SYNE2: variants seen among roughly 807,000 people sequenced by gnomAD.
The protein encoded by SYNE2 is spectrin repeat containing nuclear envelope protein 2, also known as nesprin-2.
Under a neutral mutation model 856.3 loss-of-function variants are expected in SYNE2, and 431 were observed. The observed-to-expected ratio is 0.50, with a 90% CI of 0.47 to 0.55. The LOEUF (loss-of-function observed/expected upper bound fraction) is 0.55. Ranked by LOEUF, SYNE2 falls within the 20% of genes least tolerant of loss-of-function variation. The pLI is 0.00. For missense variants in SYNE2, 8,129 were observed against 8,023.2 expected (o/e 1.01, Z -0.50); for synonymous variants, 2,923 against 2,872.3 (o/e 1.02, Z -0.56).
At chr14:64,131,929 T>C (rs2098026030) in intron 76 of SYNE2, among the ~76,000 whole-genome samples, 1 of 152,186 alleles carries the variant, frequency 6.6e-6, no homozygotes, top group Non-Finnish European at 1.5e-5. Flanking sequence ...AGTTTTTTTG[T>C]TTTTTGTTTT....
chr14:63,819,541 CT>C (rs576041925), intron 1 of SYNE2, among the ~76,000 whole-genome samples: 2,325 of 134,376 alleles, frequency 0.017, 15 homozygotes, highest in Middle Eastern at 0.028. Context: ...AATTTTATTT[CT>C]TTTTTTTTTT....
chr14:64,022,831 A>G lies in SYNE2; in HGVS notation c.5605A>G (p.Lys1869Glu). 6.2e-7 allele frequency: 1 copy of G among 1,609,166 alleles called. No homozygotes were observed. Among genetic ancestry groups the G allele is most frequent in the Non-Finnish European group, 8.5e-7 (1 of 1,175,948 alleles). ...GTGTTTTGAATCATCAGAAACAAAA[A>G]AGAGTGTGGAACAAAAGCTACAAAA... ...KECFESSETK[K>E]SVEQKLQKLS... Residue 1869 changes from lysine (K) to glutamate (E), a missense_variant, in exon 38 of 116, where the codon AAG (lysine) becomes GAG (glutamate). Coordinates refer to ENST00000555002, the MANE Select transcript of SYNE2 (RefSeq NM_182914.3).
chr14:63,883,747 G>A (rs949314247), intron 1 of SYNE2, among the ~76,000 whole-genome samples: 6 of 152,176 alleles, frequency 3.9e-5, no homozygotes, highest in African/African-American at 1.4e-4. Context: ...CTCCTCTACA[G>A]GGCTATTTTG....
intron 6 of SYNE2, among the ~76,000 whole-genome samples, chr14:63,944,517 C>CTTTTCTTTTTTTTTT (rs1318095715): frequency 1.1e-5 from 1 of 90,146 alleles, no homozygotes; most frequent in East Asian, 3.2e-4. Flanking sequence ...TAAAGCCTTT[C>CTTTTCTTTTTTTTTT]TTTTTTTTTT....
chr14:63,900,787 A>C (rs1055873571), intron 1 of SYNE2, among the ~76,000 whole-genome samples: 5 of 152,202 alleles, frequency 3.3e-5, no homozygotes, highest in Admixed American at 3.3e-4. Flanking sequence ...AATAAGGGGA[A>C]AAGTTAATGG....
chr14:63,763,266 C>A (rs1247588304), intron 1 of SYNE2, among the ~76,000 whole-genome samples: 1 of 152,160 alleles, frequency 6.6e-6, no homozygotes, highest in Middle Eastern at 3.2e-3. Flanking sequence ...CCACGCCTGG[C>A]CAACAAAAAA....
intron 45 of SYNE2, among the ~76,000 whole-genome samples, chr14:64,046,764 C>T (rs756074139): frequency 6.6e-6 from 1 of 152,212 alleles, no homozygotes; most frequent in Non-Finnish European, 1.5e-5. Context: ...GGAGGGAGCA[C>T]ATGAGCAAGT....
intron 1 of SYNE2, among the ~76,000 whole-genome samples, chr14:63,895,048 G>A (rs1314727579): frequency 1.3e-5 from 2 of 152,018 alleles, no homozygotes; most frequent in African/African-American, 4.8e-5. Context: ...AAGTGATATG[G>A]CATTGAGAAA....
chr14:63,943,804 G>A (rs972649498), intron 6 of SYNE2, among the ~76,000 whole-genome samples: 5 of 151,760 alleles, frequency 3.3e-5, no homozygotes, highest in Non-Finnish European at 5.9e-5. Flanking sequence ...CTGAGTAGCT[G>A]GGATTACAGG....
At chr14:64,138,909 T>TG (rs1185404410) in intron 79 of SYNE2, among the ~76,000 whole-genome samples, 4 of 133,938 alleles carry the variant, frequency 3.0e-5, no homozygotes, top group East Asian at 2.2e-4. Flanking sequence ...ATACAAATGC[T>TG]GGTTGTGTGT....
intron 74 of SYNE2, 104 bp from the exon 75 acceptor site, chr14:64,129,678 T>G: frequency 1.3e-6 from 2 of 1,538,762 alleles, no homozygotes; most frequent in Non-Finnish European, 1.8e-6. Flanking sequence ...GATTTTTGCT[T>G]TTCCCTTCAT....
chr14:64,029,951 C>A lies in SYNE2; in HGVS notation c.6771C>A (p.Cys2257Ter). Residue 2257 changes from cysteine (C) to a stop codon, truncating the protein, a stop_gained, in exon 44 of 116, where the codon TGC becomes TGA. Transcript: ENST00000555002. LOFTEE classifies it high-confidence loss of function. ...HVREHDSYQV[C>*]VTDLNTTLDN... ...GAGAACATGATTCATACCAGGTTTG[C>A]GTCACAGACCTGAATACTACATTGG... is the stretch of plus-strand genomic sequence containing the variant. The A allele has an allele frequency of 1.2e-6, 2 of 1,613,944 alleles. No individual in the cohort carries two copies. Among genetic ancestry groups the A allele is most frequent in the Non-Finnish European group, 1.7e-6 (2 of 1,179,890 alleles).
intron 43 of SYNE2, among the ~76,000 whole-genome samples, chr14:64,028,436 G>C (rs1324672371): frequency 1.3e-5 from 2 of 151,660 alleles, no homozygotes; most frequent in Non-Finnish European, 2.9e-5. Flanking sequence ...TTTTATTTTT[G>C]TAGAAATAAG....
At chr14:64,162,412 G>C in intron 88 of SYNE2, 136 bp downstream of exon 88, 1 of 931,376 alleles carries the variant, frequency 1.1e-6, no homozygotes, top group South Asian at 1.4e-5. Flanking sequence ...TGCCATGTAG[G>C]ACATAGGCAA....
At chr14:64,133,149 T>C (rs2098042229) in intron 77 of SYNE2, among the ~76,000 whole-genome samples, 1 of 151,296 alleles carries the variant, frequency 6.6e-6, no homozygotes, top group Non-Finnish European at 1.5e-5. Flanking sequence ...GACCTTGCAG[T>C]GAGCCTAGAT....
chr14:64,024,342 C>T lies in SYNE2; in HGVS notation c.5723C>T (p.Ala1908Val). 2 of 1,614,090 alleles carry T rather than the reference C, an allele frequency of 1.2e-6. No homozygotes were observed. The highest frequency in any genetic ancestry group is 1.7e-6 in the Non-Finnish European group (2 of 1,180,006). ...CATGTGAAGAAGCATCTGCCCAAAG[C>T]ACATGTGAAGGAGCTTATCAGTTGG... ...LKHVKKHLPKAHVKELISWLV... is the reference protein window; with the variant it reads ...LKHVKKHLPKVHVKELISWLV... The change falls in exon 39 of 116, where the codon GCA becomes GTA. Residue 1908 changes from alanine (A) to valine (V), a missense_variant. Physicochemically the swap from Ala to Val is moderately conservative, Grantham distance 64. Around this residue, in one of 3 missense-constraint regions of SYNE2, gnomAD observed 2,422 missense variants for 2,357.4 expected, o/e 1.03. Coordinates refer to ENST00000555002, the MANE Select transcript of SYNE2 (RefSeq NM_182914.3).
At chr14:63,877,251 C>T (rs533548115) in intron 1 of SYNE2, among the ~76,000 whole-genome samples, 4 of 152,148 alleles carry the variant, frequency 2.6e-5, no homozygotes, top group Admixed American at 2.0e-4. Context: ...AAATAGCAGG[C>T]CCATTGAACT....
chr14:63,982,903 G>T (rs972293999), intron 17 of SYNE2, 109 bp downstream of exon 17: 7 of 1,104,066 alleles, frequency 6.3e-6, no homozygotes. Flanking sequence ...GCACAGTTAC[G>T]TAGCCATTAC....
chr14:64,112,845 A>G (rs1378929460), intron 65 of SYNE2, among the ~76,000 whole-genome samples: 1 of 152,224 alleles, frequency 6.6e-6, no homozygotes, highest in Non-Finnish European at 1.5e-5. Context: ...TAATCTAACT[A>G]TTTGAGAAGA....
Sources: allele counts gnomAD v4.1 joint callset (sites outside exome capture counted in the v4.1 genomes callset), GRCh38; gene constraint gnomAD v4.1.1; regional missense constraint gnomAD v4.1.1; transcripts MANE v1.5; gene names NCBI Gene and HGNC (gene_info 2026-07-23, HGNC 2026-07-21).